The following GALNT17 variants were observed in gnomAD, a reference collection of about 807,000 sequenced individuals.
GALNT17 encodes the protein polypeptide N-acetylgalactosaminyltransferase 17, also known as UDP-GalNAc:polypeptide N-acetylgalactosaminyltransferase-like 3.
GALNT17 carries 29 observed loss-of-function variants against 63.7 expected under a neutral mutation model. The ratio of observed to expected loss-of-function variants is 0.46; its 90% CI spans 0.34 to 0.62. GALNT17 has a LOEUF of 0.62. GALNT17 is among the 20% of genes least tolerant of loss of function. The pLI, the probability that GALNT17 is intolerant of heterozygous loss-of-function variation, is 0.01. For synonymous variants in GALNT17, 305 were observed against 318.3 expected, an observed-to-expected ratio of 0.96 and a Z score of 0.45; for missense variants, 603 against 799.6, an observed-to-expected ratio of 0.75 and a Z score of 2.97.
chr7:71,346,513 G>A (rs1792098346), intron 2 of GALNT17, among the ~76,000 whole-genome samples: 1 of 152,060 alleles, frequency 6.6e-6, no homozygotes, highest in African/African-American at 2.4e-5. Flanking sequence ...AGGCAAGGTG[G>A]CCTTGGAGAG....
intron 2 of GALNT17, among the ~76,000 whole-genome samples, chr7:71,359,555 T>C (rs971160139): frequency 2.0e-5 from 3 of 151,658 alleles, no homozygotes; most frequent in African/African-American, 7.3e-5. Flanking sequence ...GTGTCAAATA[T>C]CCAAAACATA....
chr7:71,506,778 T>C lies in GALNT17; in HGVS notation c.963-64507T>C, dbSNP rs575470722. On this transcript the variant is annotated intron_variant, in intron 5 of 10. Transcript: ENST00000333538. Reference sequence around the variant, plus strand: ...TTCCTTCCAGCTATTTGAGACTATATATTATTGTTCCCTGTAGTCATCTTC... The same window carrying C: ...TTCCTTCCAGCTATTTGAGACTATACATTATTGTTCCCTGTAGTCATCTTC... 2.0e-5 allele frequency among the ~76,000 whole-genome samples: 3 copies of C among 152,314 alleles called. No individual in the cohort carries two copies. The South Asian group carries it at 6.2e-4, about 32-fold the overall frequency.
At chr7:71,247,521 A>G (rs994617088) in intron 1 of GALNT17, among the ~76,000 whole-genome samples, 23 of 152,048 alleles carry the variant, frequency 1.5e-4, no homozygotes, top group African/African-American at 5.6e-4. Flanking sequence ...CAGTGGCGCA[A>G]TCTCGGCTCA....
At chr7:71,557,483 C>G (rs1789183831) in intron 5 of GALNT17, among the ~76,000 whole-genome samples, 1 of 152,040 alleles carries the variant, frequency 6.6e-6, no homozygotes, top group Non-Finnish European at 1.5e-5. Flanking sequence ...CACATGAGTC[C>G]CCATTCATTC....
At chr7:71,395,872 T>C (rs1046066665) in intron 3 of GALNT17, among the ~76,000 whole-genome samples, 3 of 152,224 alleles carry the variant, frequency 2.0e-5, no homozygotes, top group African/African-American at 7.2e-5. Context: ...TTCATGTGCT[T>C]ATTTTTCATT....
At chr7:71,262,661 G>A (rs1424479979) in intron 1 of GALNT17, among the ~76,000 whole-genome samples, 1 of 149,228 alleles carries the variant, frequency 6.7e-6, no homozygotes, top group East Asian at 2.0e-4. Context: ...ACTGACTGGT[G>A]TCCTTTTTTT....
Position 71,571,280 on chromosome 7 carries a change from C to G in GALNT17, c.963-5C>G, listed in dbSNP as rs748500795. 1 of 1,613,786 alleles carries G rather than the reference C, an allele frequency of 6.2e-7. No homozygotes were observed. The highest frequency in any genetic ancestry group is 8.5e-7 in the Non-Finnish European group (1 of 1,179,712). Reference sequence around the variant, plus strand: ...ATGAGCTTCCCTTCTTTCTCCCTCCCTCAGGACCCCAGCCATGATAGGCTG... The same window carrying G: ...ATGAGCTTCCCTTCTTTCTCCCTCCGTCAGGACCCCAGCCATGATAGGCTG... On this transcript the variant is annotated splice_region_variant and splice_polypyrimidine_tract_variant and intron_variant, in intron 5 of 10. Coordinates refer to ENST00000333538, the MANE Select transcript of GALNT17 (RefSeq NM_022479.3).
At chr7:71,437,498 A>G (rs1175161929) in intron 5 of GALNT17, among the ~76,000 whole-genome samples, 3 of 152,210 alleles carry the variant, frequency 2.0e-5, no homozygotes, top group East Asian at 3.9e-4. Context: ...GAAAGTAGGT[A>G]CAGTTCACAA....
chr7:71,334,610 G>C (rs1791866228), intron 1 of GALNT17, among the ~76,000 whole-genome samples: 1 of 152,174 alleles, frequency 6.6e-6, no homozygotes, highest in African/African-American at 2.4e-5. Context: ...TGCCCATCAA[G>C]CTGTTTATCC....
At position 71,451,155 on chromosome 7, in the gene GALNT17, C is replaced by T. The variant is rs191939411; in HGVS notation, c.962+30050C>T. 3.9e-3 allele frequency among the ~76,000 whole-genome samples: 598 copies of T among 152,180 alleles called. 3 individuals are homozygous for T. Among genetic ancestry groups the T allele is most frequent in the African/African-American group, 0.013 (559 of 41,520 alleles). ...TCCAAGTGTTCTCATTGTTCAATTCCCACCTATGAGTGAGAACATGTGGTG... is the reference window on the plus strand; with the variant it reads ...TCCAAGTGTTCTCATTGTTCAATTCTCACCTATGAGTGAGAACATGTGGTG... On this transcript the variant is annotated intron_variant, in intron 5 of 10. Coordinates refer to ENST00000333538, the MANE Select transcript of GALNT17 (RefSeq NM_022479.3).
intron 1 of GALNT17, among the ~76,000 whole-genome samples, chr7:71,234,090 G>A (rs577661470): frequency 1.3e-5 from 2 of 152,206 alleles, no homozygotes; most frequent in African/African-American, 2.4e-5. Flanking sequence ...ACAACTTGAC[G>A]TGAGATTTGG....
At chr7:71,366,578 TCAAA>T (rs141197671) in intron 2 of GALNT17, among the ~76,000 whole-genome samples, 8 of 151,832 alleles carry the variant, frequency 5.3e-5, no homozygotes, top group African/African-American at 1.2e-4. Context: ...AGACTCTGTC[TCAAA>T]CAAACAAACA....
chr7:71,179,358 G>A (rs2707419), intron 1 of GALNT17, among the ~76,000 whole-genome samples: 40,078 of 152,134 alleles, frequency 0.26, 9,811 homozygotes, highest in African/African-American at 0.66. Flanking sequence ...GTTGATTGAT[G>A]TCTCATGTCT....
At chr7:71,313,445 A>G (rs1791444892) in intron 1 of GALNT17, among the ~76,000 whole-genome samples, 1 of 152,196 alleles carries the variant, frequency 6.6e-6, no homozygotes, top group Non-Finnish European at 1.5e-5. Context: ...ATGAAAAAGA[A>G]TAATAGTTGA....
At chr7:71,265,285 C>G (rs1283431891) in intron 1 of GALNT17, among the ~76,000 whole-genome samples, 1 of 150,712 alleles carries the variant, frequency 6.6e-6, no homozygotes, top group Non-Finnish European at 1.5e-5. Flanking sequence ...TGCCACCACA[C>G]CCAGCTAATT....
At chr7:71,229,680 G>A (rs1789750951) in intron 1 of GALNT17, among the ~76,000 whole-genome samples, 1 of 152,158 alleles carries the variant, frequency 6.6e-6, no homozygotes, top group African/African-American at 2.4e-5. Context: ...AGGGTGGCTG[G>A]ACTCTACTAA....
chr7:71,212,772 C>G (rs1789406029), intron 1 of GALNT17, among the ~76,000 whole-genome samples: 1 of 152,182 alleles, frequency 6.6e-6, no homozygotes, highest in Admixed American at 6.5e-5. Context: ...TGCTCGATTT[C>G]AGACTTGCAT....
intron 2 of GALNT17, among the ~76,000 whole-genome samples, chr7:71,349,114 G>C (rs1289085691): frequency 6.6e-6 from 1 of 152,226 alleles, no homozygotes; most frequent in African/African-American, 2.4e-5. Context: ...ATAATCAATA[G>C]AGGCAAATGC....
At chr7:71,250,214 A>AT (rs1283938400) in intron 1 of GALNT17, among the ~76,000 whole-genome samples, 1 of 152,102 alleles carries the variant, frequency 6.6e-6, no homozygotes, top group Non-Finnish European at 1.5e-5. Context: ...AAGTACGTTT[A>AT]TTTTTTCTGA....
Sources: allele counts gnomAD v4.1 joint callset (sites outside exome capture counted in the v4.1 genomes callset), GRCh38; gene constraint gnomAD v4.1.1; transcripts MANE v1.5; gene names NCBI Gene and HGNC (gene_info 2026-07-23, HGNC 2026-07-21).